PRELID3A: variants seen among roughly 807,000 people sequenced by gnomAD.
PRELID3A encodes PRELI domain containing 3A, also known as PRELI domain containing protein 3A.
Under a neutral mutation model 23.0 loss-of-function variants are expected in PRELID3A, and 27 were observed. The observed-to-expected ratio is 1.17, with a 90% confidence interval of 0.87 to 1.62. The LOEUF (loss-of-function observed/expected upper bound fraction) is 1.62. PRELID3A is among the 40% of genes most tolerant of loss of function. The probability of loss-of-function intolerance (pLI) is 0.00; values close to 1 mark genes in which losing one functional copy is unlikely to be tolerated. For synonymous variants in PRELID3A, 87 were observed against 86.4 expected (o/e 1.01, Z -0.04); for missense variants, 231 against 231.4 (o/e 1.00, Z 0.01).
chr18:12,410,516 G>A (rs986900033), intron 1 of PRELID3A, among the ~76,000 whole-genome samples: 5 of 152,162 alleles, frequency 3.3e-5, no homozygotes, highest in Non-Finnish European at 7.4e-5. Context: ...CCAAATGACA[G>A]TACAAATTGG....
intron 2 of PRELID3A, 55 bp from the exon 3 acceptor site, chr18:12,421,485 G>A (rs2143367431): frequency 9.7e-7 from 1 of 1,028,518 alleles, no homozygotes; most frequent in South Asian, 1.3e-5. Context: ...ATTCGGTGGT[G>A]ATATGAAGTA....
Position 12,420,469 on chromosome 18 carries a change from G to A in PRELID3A, c.177G>A (p.Trp59Ter), listed in dbSNP as rs771819291. 6.4e-7 allele frequency: 1 copy of A among 1,556,568 alleles called. No individual in the cohort carries two copies. Among genetic ancestry groups the A allele is most frequent in the South Asian group, 1.2e-5 (1 of 84,744 alleles). The change falls in exon 2 of 7, where the codon TGG becomes TGA. Residue 59 changes from tryptophan (W) to a stop codon, truncating the protein, a stop_gained. Transcript: ENST00000440960. LOFTEE classifies it high-confidence loss of function. ...LHSLRLLSTEWGLPSLVRAIL... is the reference protein window; with the variant it reads ...LHSLRLLSTE ...GCTTGCGCCTGCTCAGCACCGAGTG[G>A]GGGCTGCCCAGCCTCGTGAGAGCGG...
intron 1 of PRELID3A, 84 bp from the exon 2 acceptor site, chr18:12,420,241 G>T: frequency 1.3e-6 from 2 of 1,497,480 alleles, no homozygotes; most frequent in Non-Finnish European, 1.8e-6. Context: ...GCGTTGCCCA[G>T]GCCTGGCGGC....
At chr18:12,416,055 C>T (rs780074487) in intron 1 of PRELID3A, among the ~76,000 whole-genome samples, 1 of 152,208 alleles carries the variant, frequency 6.6e-6, no homozygotes, top group Non-Finnish European at 1.5e-5. Context: ...AAATAAACTT[C>T]AGCACATTCC....
intron 1 of PRELID3A, among the ~76,000 whole-genome samples, chr18:12,416,520 T>C (rs576649745): frequency 1.3e-5 from 2 of 152,338 alleles, no homozygotes; most frequent in Non-Finnish European, 2.9e-5. Flanking sequence ...TCTTGCTATA[T>C]TGCCCAGGCT....
At chr18:12,422,071 C>G (rs906866479) in intron 3 of PRELID3A, among the ~76,000 whole-genome samples, 1 of 151,926 alleles carries the variant, frequency 6.6e-6, no homozygotes, top group Non-Finnish European at 1.5e-5. Flanking sequence ...TCCCAAATAG[C>G]TGGGACCACA....
At chr18:12,421,729 T>C in intron 3 of PRELID3A, 100 bp downstream of exon 3, 2 of 746,766 alleles carry the variant, frequency 2.7e-6, no homozygotes, top group Non-Finnish European at 4.6e-6. Flanking sequence ...TTGGTCTAGG[T>C]GTTGCTTATT....
intron 1 of PRELID3A, among the ~76,000 whole-genome samples, chr18:12,413,198 CTG>C (rs1215316706): frequency 1.3e-5 from 2 of 152,194 alleles, no homozygotes; most frequent in African/African-American, 4.8e-5. Context: ...GTATTGAACT[CTG>C]AGGCCTAGCG....
chr18:12,410,243 G>T (rs8097077), intron 1 of PRELID3A, among the ~76,000 whole-genome samples: 1 of 152,240 alleles, frequency 6.6e-6, no homozygotes, highest in African/African-American at 2.4e-5. Flanking sequence ...GTGCTCGGAA[G>T]GGGTGAGGAA....
Position 12,420,411 on chromosome 18 carries a change from A to G in PRELID3A, c.119A>G (p.Gln40Arg), listed in dbSNP as rs969703928. 1 of 1,604,066 alleles carries G rather than the reference A, an allele frequency of 6.2e-7. No homozygotes were observed. The highest frequency in any genetic ancestry group is 1.3e-5 in the African/African-American group (1 of 74,738). Residue 40 changes from glutamine to arginine, a missense_variant, in exon 2 of 7, where the codon CAG (glutamine) becomes CGG (arginine). Physicochemically the swap from Gln to Arg is conservative, Grantham distance 43. Coordinates refer to ENST00000440960, the MANE Select transcript of PRELID3A (RefSeq NM_001142405.2). ...NPSVLGVDVL[Q>R]RRVDGRGRLH... Reference sequence around the variant, plus strand: ...AGCGTGCTGGGCGTGGATGTGCTACAGCGCCGCGTGGACGGCCGCGGCCGC... The same window carrying G: ...AGCGTGCTGGGCGTGGATGTGCTACGGCGCCGCGTGGACGGCCGCGGCCGC...
chr18:12,430,915 A>G (rs955126909), intron 6 of PRELID3A, among the ~76,000 whole-genome samples: 2 of 145,298 alleles, frequency 1.4e-5, no homozygotes, highest in African/African-American at 5.2e-5. Flanking sequence ...GCATGTGTCT[A>G]TGATGTGCAT....
intron 1 of PRELID3A, among the ~76,000 whole-genome samples, chr18:12,414,712 CAG>C (rs1446623542): frequency 6.6e-6 from 1 of 152,052 alleles, no homozygotes; most frequent in Non-Finnish European, 1.5e-5. Flanking sequence ...CACTCTGCAA[CAG>C]AGTGAGACTT....
At chr18:12,417,885 AG>A (rs2143346598) in intron 1 of PRELID3A, among the ~76,000 whole-genome samples, 1 of 152,344 alleles carries the variant, frequency 6.6e-6, no homozygotes, top group South Asian at 2.1e-4. Context: ...GCGTCAGCTT[AG>A]TGACACAATT....
chr18:12,414,570 A>G (rs2029886475), intron 1 of PRELID3A, among the ~76,000 whole-genome samples: 1 of 152,156 alleles, frequency 6.6e-6, no homozygotes, highest in Non-Finnish European at 1.5e-5. Flanking sequence ...TACTAAAAAT[A>G]CAAAAATTAG....
chr18:12,410,014 C>G (rs1909857631), intron 1 of PRELID3A, among the ~76,000 whole-genome samples: 1 of 152,196 alleles, frequency 6.6e-6, no homozygotes, highest in South Asian at 2.1e-4. Flanking sequence ...ATTTTCACCC[C>G]TGCCCCAGGC....
At chr18:12,412,641 G>A (rs1250517868) in intron 1 of PRELID3A, among the ~76,000 whole-genome samples, 4 of 151,878 alleles carry the variant, frequency 2.6e-5, no homozygotes, top group Non-Finnish European at 4.4e-5. Flanking sequence ...ATTACAAATC[G>A]AACTGCAGTG....
At chr18:12,420,526 G>GC in intron 2 of PRELID3A, 33 bp downstream of exon 2, 1 of 1,480,688 alleles carries the variant, frequency 6.8e-7, no homozygotes, top group Non-Finnish European at 9.0e-7. Context: ...CTCCGAACGC[G>GC]CCCGACTCCC....
chr18:12,420,642 T>G, intron 2 of PRELID3A, 149 bp downstream of exon 2: 2 of 573,486 alleles, frequency 3.5e-6, no homozygotes, highest in Non-Finnish European at 5.0e-6. Flanking sequence ...TTTCCTGAGA[T>G]CAGGGGGCGC....
At chr18:12,416,639 C>CT (rs2029960771) in intron 1 of PRELID3A, among the ~76,000 whole-genome samples, 1 of 143,966 alleles carries the variant, frequency 6.9e-6, no homozygotes, top group Non-Finnish European at 1.5e-5. Flanking sequence ...CTTTTCTTTT[C>CT]TTTCTTTCTT....
Sources: gnomAD v4.1 joint callset for allele counts (sites outside exome capture counted in the v4.1 genomes callset) on GRCh38, gnomAD v4.1.1 for gene constraint, MANE v1.5 for transcripts, NCBI Gene and HGNC (gene_info 2026-07-23, HGNC 2026-07-21) for gene names.